CCDC60: variants seen among roughly 807,000 people sequenced by gnomAD.
CCDC60 encodes the protein coiled-coil domain-containing protein 60.
A neutral mutation model predicts 63.5 loss-of-function variants in CCDC60; 54 were observed. The ratio of observed to expected loss-of-function variants is 0.85; its 90% CI spans 0.68 to 1.07. The LOEUF (loss-of-function observed/expected upper bound fraction) is 1.07. CCDC60 is among the 50% of genes least tolerant of loss of function. CCDC60 has a pLI of 0.00. For missense variants in CCDC60, 651 were observed against 684.3 expected (o/e 0.95, Z 0.54); for synonymous variants, 206 against 238.8 (o/e 0.86, Z 1.27).
At chr12:119,421,739 A>ACTC (rs1190854195) in intron 1 of CCDC60, among the ~76,000 whole-genome samples, 5 of 152,132 alleles carry the variant, frequency 3.3e-5, no homozygotes, top group Non-Finnish European at 7.4e-5. Context: ...TACCTCACTC[A>ACTC]AGGTCACTGA....
intron 2 of CCDC60, among the ~76,000 whole-genome samples, chr12:119,432,972 G>A (rs1005901621): frequency 2.6e-5 from 4 of 152,324 alleles, no homozygotes; most frequent in African/African-American, 9.6e-5. Context: ...ATCAATGGTT[G>A]TAGTATCTAT....
At chr12:119,438,631 C>T (rs563944646) in intron 2 of CCDC60, among the ~76,000 whole-genome samples, 1 of 152,162 alleles carries the variant, frequency 6.6e-6, no homozygotes. Context: ...TTTTTGAGAA[C>T]AATATGGATG....
At chr12:119,337,073 C>T (rs1237210318) in intron 1 of CCDC60, among the ~76,000 whole-genome samples, 1 of 152,192 alleles carries the variant, frequency 6.6e-6, no homozygotes, top group Non-Finnish European at 1.5e-5. Flanking sequence ...CTCACAAGGG[C>T]TCTCCATGTG....
chr12:119,532,577 C>G (rs1022272613), intron 13 of CCDC60, among the ~76,000 whole-genome samples: 1 of 152,004 alleles, frequency 6.6e-6, no homozygotes, highest in Non-Finnish European at 1.5e-5. Context: ...CCTAGACCCC[C>G]ATCCCCTGAC....
Position 119,420,754 on chromosome 12 carries a change from T to C in CCDC60, c.91-7929T>C, listed in dbSNP as rs182108552. On this transcript the variant is annotated intron_variant, in intron 1 of 13. Coordinates refer to ENST00000327554, the MANE Select transcript of CCDC60 (RefSeq NM_178499.5). The surrounding 1 kb of genome is among the most constrained non-coding windows in gnomAD (Gnocchi z 4.1). ...CTCAAAGGATAAATGCTTGAGGGGA[T>C]AGATGCCCCATTCTCCATGATGTGC... Among the ~76,000 whole-genome samples the C allele has an allele frequency of 1.3e-5, 2 of 152,340 alleles. No individual in the cohort carries two copies. Among genetic ancestry groups the C allele is most frequent in the Admixed American group, 6.5e-5 (1 of 15,298 alleles).
intron 2 of CCDC60, chr12:119,433,387 C>T: frequency 1.4e-6 from 1 of 702,188 alleles, no homozygotes; most frequent in Non-Finnish European, 2.6e-6. Flanking sequence ...CACCCTTAGC[C>T]TCTCCCACTG....
chr12:119,480,543 T>C (rs1951280569), intron 4 of CCDC60, among the ~76,000 whole-genome samples: 1 of 151,850 alleles, frequency 6.6e-6, no homozygotes, highest in African/African-American at 2.4e-5. Context: ...GAATGGAAGA[T>C]GCAAAAACCA....
intron 1 of CCDC60, among the ~76,000 whole-genome samples, chr12:119,345,633 G>A (rs910285882): frequency 9.9e-5 from 15 of 152,156 alleles, no homozygotes; most frequent in South Asian, 8.3e-4. Flanking sequence ...ACATAGAAAC[G>A]GAGCTGCCTC....
At chr12:119,446,894 A>G (rs1950554144) in intron 2 of CCDC60, among the ~76,000 whole-genome samples, 1 of 152,150 alleles carries the variant, frequency 6.6e-6, no homozygotes, top group South Asian at 2.1e-4. Context: ...GGAGAAAGCA[A>G]TCTGCACATG....
chr12:119,475,278 T>C (rs995745100), intron 3 of CCDC60, among the ~76,000 whole-genome samples: 3 of 152,196 alleles, frequency 2.0e-5, no homozygotes, highest in Non-Finnish European at 2.9e-5. Flanking sequence ...TGGGGAAAGA[T>C]GGTGTCTATG....
At chr12:119,414,094 C>T (rs1331712500) in intron 1 of CCDC60, among the ~76,000 whole-genome samples, 1 of 152,028 alleles carries the variant, frequency 6.6e-6, no homozygotes, top group African/African-American at 2.4e-5. Context: ...TCTTGGCTAA[C>T]CACAACCCCT....
intron 2 of CCDC60, among the ~76,000 whole-genome samples, chr12:119,432,186 C>A (rs146120049): frequency 4.3e-4 from 66 of 152,176 alleles, no homozygotes; most frequent in Non-Finnish European, 8.5e-4. Context: ...GCCTTGGGAA[C>A]CTTGGAGCCC....
chr12:119,425,551 T>C (rs1047227643), intron 1 of CCDC60, among the ~76,000 whole-genome samples: 9 of 152,210 alleles, frequency 5.9e-5, no homozygotes, highest in African/African-American at 2.2e-4. Flanking sequence ...GAAATGTTCA[T>C]GAAAAGTCAA....
chr12:119,532,326 T>C (rs1952868174), intron 13 of CCDC60, among the ~76,000 whole-genome samples: 1 of 151,970 alleles, frequency 6.6e-6, no homozygotes, highest in South Asian at 2.1e-4. Context: ...TCCTCTTTTA[T>C]ATGAGGTGAG....
chr12:119,483,560 G>A (rs889652786), intron 4 of CCDC60, among the ~76,000 whole-genome samples: 7 of 152,212 alleles, frequency 4.6e-5, no homozygotes, highest in East Asian at 1.9e-4. Context: ...AACCTGTGTC[G>A]AGATTTGCCC....
intron 4 of CCDC60, among the ~76,000 whole-genome samples, chr12:119,481,319 C>T (rs535798335): frequency 1.3e-5 from 2 of 152,306 alleles, no homozygotes; most frequent in African/African-American, 2.4e-5. Flanking sequence ...TGCACTTCTG[C>T]CCATCTCTCC....
chr12:119,367,186 C>T (rs978242026), intron 1 of CCDC60, among the ~76,000 whole-genome samples: 2 of 152,150 alleles, frequency 1.3e-5, no homozygotes, highest in African/African-American at 4.8e-5. Context: ...ACCACTTTTC[C>T]ACAGATTAAC....
chr12:119,466,685 T>C (rs1432528716), intron 2 of CCDC60, among the ~76,000 whole-genome samples: 3 of 152,110 alleles, frequency 2.0e-5, no homozygotes, highest in Admixed American at 2.0e-4. Context: ...CTAACCACCA[T>C]AAAACCCCAA....
chr12:119,401,807 C>T (rs752394248), intron 1 of CCDC60, among the ~76,000 whole-genome samples: 7 of 152,186 alleles, frequency 4.6e-5, no homozygotes, highest in African/African-American at 1.4e-4. Context: ...ATTCTTGTAA[C>T]GCCCTGGTGT....
Sources: gnomAD v4.1 joint callset for allele counts (sites outside exome capture counted in the v4.1 genomes callset) on GRCh38, gnomAD v4.1.1 for gene constraint, Gnocchi (gnomAD v3.1) non-coding constraint, MANE v1.5 for transcripts, NCBI Gene and HGNC (gene_info 2026-07-23, HGNC 2026-07-21) for gene names.